Variants in LMNB2 observed in about 807,000 individuals in gnomAD.
LMNB2 encodes lamin B2, also known as lamin-B2.
In LMNB2, 17 loss-of-function variants were observed where a neutral mutation model predicts 69.3. The ratio of observed to expected loss-of-function variants is 0.25; its 90% CI spans 0.17 to 0.37. The LOEUF is 0.37. Ranked by LOEUF, LMNB2 falls within the 10% of genes least tolerant of loss-of-function variation. The pLI, the probability that LMNB2 is intolerant of heterozygous loss-of-function variation, is 1.00. For synonymous variants in LMNB2, 397 were observed against 389.3 expected (o/e 1.02, Z -0.23); for missense variants, 789 against 883.6 (o/e 0.89, Z 1.36).
intron 1 of LMNB2, among the ~76,000 whole-genome samples, chr19:2,454,771 C>G (rs1043681193): frequency 6.6e-6 from 1 of 152,098 alleles, no homozygotes; most frequent in Non-Finnish European, 1.5e-5. Context: ...CTCCTGCCTG[C>G]CCCCCGTTCT....
rs1305618092 is a variant in LMNB2 at position 2,447,875 on chromosome 19, C to T, written c.265-3335G>A. Among the ~76,000 whole-genome samples the T allele has an allele frequency of 6.6e-6, 1 of 152,204 alleles. No individual in the cohort carries two copies. The highest frequency in any genetic ancestry group is 1.5e-5 in the Non-Finnish European group (1 of 68,026). On this transcript the variant is annotated intron_variant, in intron 1 of 11. Transcript: ENST00000325327. This position sits in a 1 kb window ranked among gnomAD's most constrained non-coding sequence, Gnocchi z 4.4. ...GGGCCATCTGGACAAGTCAGAGTCT[C>T]AGGCTGCCCCAGCACCGCAGCTCCA...
intron 4 of LMNB2, 84 bp downstream of exon 4, chr19:2,438,079 C>A (rs1228907919): frequency 8.2e-6 from 13 of 1,594,404 alleles, no homozygotes; most frequent in Non-Finnish European, 1.1e-5. Context: ...CCACACGGTG[C>A]CCTCAGGCTT....
chr19:2,432,689 T>C (rs1328372710), intron 8 of LMNB2, among the ~76,000 whole-genome samples, 166 bp from the exon 9 acceptor site: 16 of 100,810 alleles, frequency 1.6e-4, no homozygotes, highest in African/African-American at 2.4e-4. Flanking sequence ...CCCTGCCTCG[T>C]CCTGACCGGC....
rs1173012760 is a variant in LMNB2 at position 2,447,740 on chromosome 19, T to C, written c.265-3200A>G. ...GCATCTGGAGGGCCACACCCCCATG[T>C]TACAGGCGAGGCTCCTGTGCAGAGG... On this transcript the variant is annotated intron_variant, in intron 1 of 11. Transcript: ENST00000325327. This position sits in a 1 kb window ranked among gnomAD's most constrained non-coding sequence, Gnocchi z 4.4. 1.3e-5 allele frequency among the ~76,000 whole-genome samples: 2 copies of C among 152,150 alleles called. No homozygotes were observed. The highest frequency in any genetic ancestry group is 1.3e-4 in the Admixed American group (2 of 15,278).
At chr19:2,454,292 C>CA (rs58800585) in intron 1 of LMNB2, among the ~76,000 whole-genome samples, 12,573 of 80,568 alleles carry the variant, frequency 0.16, 912 homozygotes, top group Middle Eastern at 0.24. Context: ...GACTCTATCT[C>CA]AAAAAAAAAA....
chr19:2,443,175 C>T lies in LMNB2; in HGVS notation c.401+1229G>A, dbSNP rs946879414. On this transcript the variant is annotated intron_variant, in intron 2 of 11. Transcript: ENST00000325327. This position sits in a 1 kb window ranked among gnomAD's most constrained non-coding sequence, Gnocchi z 6.2. ...GCAGCCTGTCCTGGCTGGTGCCTGG[C>T]CCCAGGGTCCCCGGCTCATGGCCAC... Among the ~76,000 whole-genome samples, 3 of 152,210 alleles carry T rather than the reference C, an allele frequency of 2.0e-5. No homozygotes were observed. The highest frequency in any genetic ancestry group is 4.4e-5 in the Non-Finnish European group (3 of 68,032).
At chr19:2,451,110 GC>G (rs1411772144) in intron 1 of LMNB2, among the ~76,000 whole-genome samples, 1 of 152,120 alleles carries the variant, frequency 6.6e-6, no homozygotes, top group African/African-American at 2.4e-5. Flanking sequence ...GCGTGGCAGT[GC>G]AAACCTGTGA....
intron 1 of LMNB2, 106 bp downstream of exon 1, chr19:2,456,564 C>T (rs1315647659): frequency 5.1e-6 from 6 of 1,176,528 alleles, no homozygotes; most frequent in Non-Finnish European, 6.5e-6. Flanking sequence ...AAGCCGGGGC[C>T]CGTCCCCGTC....
intron 1 of LMNB2, among the ~76,000 whole-genome samples, 191 bp from the exon 2 acceptor site, chr19:2,444,731 G>T (rs1308621691): frequency 6.6e-6 from 1 of 152,158 alleles, no homozygotes; most frequent in Admixed American, 6.5e-5. Context: ...GCCCCCTGTC[G>T]GGGAGGGTCC....
chr19:2,456,937 A>C lies in LMNB2; in HGVS notation c.-4T>G. On this transcript the variant is annotated 5_prime_UTR_variant, in exon 1 of 12. Transcript: ENST00000325327. The stretch of plus-strand genomic sequence containing the variant: ...GGCCCGGGCTCGGCGGGCTCATTCA[A>C]TCCGCGCCGCCGGCTGCAAGATGGC... 1 of 987,768 alleles carries C rather than the reference A, an allele frequency of 1.0e-6. No homozygotes were observed. Among genetic ancestry groups the C allele is most frequent in the Non-Finnish European group, 1.2e-6 (1 of 833,584 alleles). The allele number at this position is 987,768 out of a possible 1,614,324, so 61.2% of individuals were successfully genotyped here. A position where few individuals can be genotyped will look rare whatever the true frequency, so the allele number is the denominator to read the frequency against.
chr19:2,436,541 G>A (rs111778908), intron 4 of LMNB2, among the ~76,000 whole-genome samples: 6 of 99,444 alleles, frequency 6.0e-5, no homozygotes, highest in African/African-American at 2.4e-4. Context: ...CCACGGCCGC[G>A]CACCCGCCTG....
rs570049793 is a variant in LMNB2 at position 2,430,553 on chromosome 19, G to A, written c.*358C>T. 22 of 379,042 alleles carry A rather than the reference G, an allele frequency of 5.8e-5. No individual in the cohort carries two copies. Among genetic ancestry groups the A allele is most frequent in the Non-Finnish European group, 5.0e-6 (1 of 198,578 alleles). 23.5% of individuals were successfully genotyped at this position (379,042 alleles called of 1,614,324 possible). ...CACTGAATTCCTACGCAGTTTCCGCGCTCCGTCCGCAGCAGGGCCGTCTCC... is the reference window on the plus strand; with the variant it reads ...CACTGAATTCCTACGCAGTTTCCGCACTCCGTCCGCAGCAGGGCCGTCTCC... On this transcript the variant is annotated 3_prime_UTR_variant, in exon 12 of 12. Transcript: ENST00000325327.
rs767801199 is a variant in LMNB2 at position 2,435,114 on chromosome 19, G to T, written c.742C>A (p.Arg248=). ...ATCTTGAAGTCGTACTCCTGCTGCC[G>T]GCTGCTGTCCACCTCCACCAGGCGC... ...ERRLVEVDSS[R]QQEYDFKMAQ... Residue 248 remains arginine (R), a synonymous_variant, in exon 5 of 12, where the codon CGG becomes AGG. Coordinates refer to ENST00000325327, the MANE Select transcript of LMNB2 (RefSeq NM_032737.4). 6.2e-7 allele frequency: 1 copy of T among 1,608,600 alleles called. No individual in the cohort carries two copies. The highest frequency in any genetic ancestry group is 1.1e-5 in the South Asian group (1 of 91,080).
intron 6 of LMNB2, 124 bp downstream of exon 6, chr19:2,434,664 A>G: frequency 6.7e-7 from 1 of 1,502,712 alleles, no homozygotes; most frequent in Non-Finnish European, 8.9e-7. Context: ...GGGAAGGGGC[A>G]TCGCTGGGCG....
intron 4 of LMNB2, among the ~76,000 whole-genome samples, chr19:2,436,310 G>A (rs1412688896): frequency 6.6e-6 from 1 of 152,116 alleles, no homozygotes; most frequent in African/African-American, 2.4e-5. Context: ...TGGGTGTGGT[G>A]CTGTGCACCT....
chr19:2,447,620 G>T lies in LMNB2; in HGVS notation c.265-3080C>A, dbSNP rs1287165559. On this transcript the variant is annotated intron_variant, in intron 1 of 11. Coordinates refer to ENST00000325327, the MANE Select transcript of LMNB2 (RefSeq NM_032737.4). This position sits in a 1 kb window ranked among gnomAD's most constrained non-coding sequence, Gnocchi z 4.4. ...AAGGAGGACCGGAGGATGGTAGGCG[G>T]AACCAGGCCCAGCACCACCCGCTAG... Among the ~76,000 whole-genome samples, 1 of 152,174 alleles carries T rather than the reference G, an allele frequency of 6.6e-6. No individual in the cohort carries two copies. The highest frequency in any genetic ancestry group is 1.5e-5 in the Non-Finnish European group (1 of 68,034).
chr19:2,431,460 G>C, intron 11 of LMNB2, 88 bp downstream of exon 11: 1 of 1,569,106 alleles, frequency 6.4e-7, no homozygotes, highest in Admixed American at 1.7e-5. Flanking sequence ...CGTCGGGGAT[G>C]CGGCCAGCAC....
chr19:2,436,499 G>C (rs1432466803), intron 4 of LMNB2, among the ~76,000 whole-genome samples: 1 of 151,594 alleles, frequency 6.6e-6, no homozygotes, highest in Admixed American at 6.6e-5. Flanking sequence ...CCTGCGGGCC[G>C]CGCACCCACC....
At chr19:2,454,429 G>A (rs1972066433) in intron 1 of LMNB2, among the ~76,000 whole-genome samples, 1 of 151,996 alleles carries the variant, frequency 6.6e-6, no homozygotes, top group African/African-American at 2.4e-5. Flanking sequence ...AACCCACAGG[G>A]AGCTACTGAA....
Sources: gnomAD v4.1 joint callset for allele counts (sites outside exome capture counted in the v4.1 genomes callset) on GRCh38, gnomAD v4.1.1 for gene constraint, Gnocchi (gnomAD v3.1) non-coding constraint, MANE v1.5 for transcripts, NCBI Gene and HGNC (gene_info 2026-07-23, HGNC 2026-07-21) for gene names.